Variants in UGT1A10 observed in about 807,000 individuals in gnomAD.
The protein encoded by UGT1A10 is UDP-glucuronosyltransferase 1A10.
A neutral mutation model predicts 45.8 loss-of-function variants in UGT1A10; 49 were observed. That is an observed-to-expected ratio of 1.07 (90% confidence interval 0.85 to 1.36). The LOEUF (loss-of-function observed/expected upper bound fraction) is 1.36, where lower values mean the gene tolerates loss of function less well. Ranked by LOEUF, UGT1A10 falls within the 40% of genes most tolerant of loss-of-function variation. The probability of loss-of-function intolerance (pLI) is 0.00; values close to 1 mark genes in which losing one functional copy is unlikely to be tolerated. For missense variants in UGT1A10, 745 were observed against 668.6 expected (o/e 1.11, Z -1.26); for synonymous variants, 284 against 249.7 (o/e 1.14, Z -1.29).
chr2:233,718,719 G>A, intron 1 of UGT1A10: 6 of 1,609,316 alleles, frequency 3.7e-6, no homozygotes, highest in Non-Finnish European at 5.1e-6. Context: ...ATTACATGCT[G>A]ATTTGCTAGG....
intron 1 of UGT1A10, among the ~76,000 whole-genome samples, chr2:233,752,171 G>A (rs1336232019): frequency 2.6e-5 from 4 of 152,222 alleles, no homozygotes; most frequent in Non-Finnish European, 2.9e-5. Context: ...AGTGTGTGAT[G>A]TAAGCTGAAT....
chr2:233,699,744 T>G (rs1237056581), intron 1 of UGT1A10, among the ~76,000 whole-genome samples: 1 of 152,214 alleles, frequency 6.6e-6, no homozygotes, highest in African/African-American at 2.4e-5. Flanking sequence ...CCCAGAAAAC[T>G]AGACCCCAGT....
intron 1 of UGT1A10, among the ~76,000 whole-genome samples, chr2:233,644,858 T>C (rs112758089): frequency 1.3e-5 from 2 of 152,334 alleles, no homozygotes; most frequent in African/African-American, 4.8e-5. Flanking sequence ...TTGGTTCTTA[T>C]GAAGGTGGTT....
At chr2:233,695,420 G>A (rs1281215044) in intron 1 of UGT1A10, among the ~76,000 whole-genome samples, 2 of 138,292 alleles carry the variant, frequency 1.4e-5, no homozygotes, top group African/African-American at 2.6e-5. Context: ...TACCGCGCCC[G>A]GCCTTCTTCT....
At chr2:233,743,731 G>C (rs373030535) in intron 1 of UGT1A10, 1 of 1,367,360 alleles carries the variant, frequency 7.3e-7, no homozygotes, top group East Asian at 4.5e-5. Flanking sequence ...CATAGATATC[G>C]CGTTTCTTGG....
intron 1 of UGT1A10, chr2:233,761,045 T>A (rs1315871466): frequency 1.9e-6 from 3 of 1,614,220 alleles, no homozygotes; most frequent in Non-Finnish European, 1.7e-6. Flanking sequence ...TCTGCATCTG[T>A]CTGGCTGTTT....
intron 1 of UGT1A10, chr2:233,718,874 C>A: frequency 6.2e-7 from 1 of 1,613,892 alleles, no homozygotes; most frequent in Non-Finnish European, 8.5e-7. Flanking sequence ...GACTGCTGCT[C>A]CTCCTCAGTG....
At chr2:233,711,610 G>C (rs1267799055) in intron 1 of UGT1A10, among the ~76,000 whole-genome samples, 1 of 152,160 alleles carries the variant, frequency 6.6e-6, no homozygotes, top group Non-Finnish European at 1.5e-5. Flanking sequence ...GCGCCCTCTG[G>C]TGGACAGCTC....
chr2:233,751,166 C>A lies in UGT1A10; in HGVS notation c.856-15868C>A, dbSNP rs1022992608. ...AGCCCACTTCTGGCATCAGCATGAC[C>A]TAGATATGAGACATGAAGTTAAAGG... On this transcript the variant is annotated intron_variant, in intron 1 of 4. Transcript: ENST00000344644. 3.9e-5 allele frequency among the ~76,000 whole-genome samples: 6 copies of A among 151,970 alleles called. 1 individual carries two copies. Among genetic ancestry groups the A allele is most frequent in the African/African-American group, 1.5e-4 (6 of 41,220 alleles).
chr2:233,760,326 G>T, intron 1 of UGT1A10: 1 of 1,614,028 alleles, frequency 6.2e-7, no homozygotes, highest in Non-Finnish European at 8.5e-7. Flanking sequence ...CACTTGTCCT[G>T]GGCCTGCTGC....
chr2:233,745,013 A>G (rs1344188212), intron 1 of UGT1A10, among the ~76,000 whole-genome samples: 1 of 151,876 alleles, frequency 6.6e-6, no homozygotes, highest in Non-Finnish European at 1.5e-5. Context: ...TAATAAATGT[A>G]AATGCTATGT....
intron 1 of UGT1A10, among the ~76,000 whole-genome samples, chr2:233,704,256 C>CTTTTTTTTTT (rs59925871): frequency 6.5e-5 from 8 of 123,648 alleles, no homozygotes; most frequent in East Asian, 2.2e-4. Flanking sequence ...GCCTTTATTG[C>CTTTTTTTTTT]TTTTTTTTTT....
At chr2:233,728,976 T>C in intron 1 of UGT1A10, 1 of 1,491,464 alleles carries the variant, frequency 6.7e-7, no homozygotes, top group Non-Finnish European at 9.0e-7. Context: ...GATAGATTAA[T>C]GGTTAATAAT....
chr2:233,720,944 CAT>C (rs1354366294), intron 1 of UGT1A10, among the ~76,000 whole-genome samples: 52 of 150,934 alleles, frequency 3.4e-4, no homozygotes, highest in African/African-American at 1.1e-3. Flanking sequence ...CTCCTGACCT[CAT>C]GTGATCTGCC....
intron 1 of UGT1A10, among the ~76,000 whole-genome samples, chr2:233,656,577 C>T (rs1351956331): frequency 6.6e-6 from 1 of 152,168 alleles, no homozygotes; most frequent in African/African-American, 2.4e-5. Flanking sequence ...CAACTCTTGC[C>T]TGGCGTGGTT....
intron 1 of UGT1A10, among the ~76,000 whole-genome samples, chr2:233,701,346 A>C (rs148707887): frequency 6.6e-6 from 1 of 151,970 alleles, no homozygotes; most frequent in Non-Finnish European, 1.5e-5. Context: ...ACAGTGTAAA[A>C]GTTCTTAGAG....
Position 233,761,080 on chromosome 2 carries a change from C to T in UGT1A10, c.856-5954C>T, listed in dbSNP as rs760907397. On this transcript the variant is annotated intron_variant, in intron 1 of 4. Transcript: ENST00000344644. ...TAGAAGTGACTTTGTGAAGGATTAC[C>T]CTAGGCCCATCATGCCCAATATGGT... The T allele has an allele frequency of 5.0e-6, 8 of 1,614,034 alleles. No individual in the cohort carries two copies. The highest frequency in any genetic ancestry group is 1.3e-5 in the African/African-American group (1 of 74,910).
At chr2:233,755,051 C>A in intron 1 of UGT1A10, 1 of 1,331,262 alleles carries the variant, frequency 7.5e-7, no homozygotes, top group East Asian at 4.6e-5. Flanking sequence ...AGCCGCCCTC[C>A]GCCCTCGCCT....
intron 1 of UGT1A10, among the ~76,000 whole-genome samples, chr2:233,731,455 G>A (rs1469328234): frequency 6.6e-6 from 1 of 152,026 alleles, no homozygotes; most frequent in Non-Finnish European, 1.5e-5. Context: ...CCCACAACAG[G>A]CCCTGGCGTG....
Sources: gnomAD v4.1 joint callset for allele counts (sites outside exome capture counted in the v4.1 genomes callset) on GRCh38, gnomAD v4.1.1 for gene constraint, MANE v1.5 for transcripts, NCBI Gene and HGNC (gene_info 2026-07-23, HGNC 2026-07-21) for gene names.